MNS1: variants seen among roughly 807,000 people sequenced by gnomAD.
MNS1 encodes meiosis-specific nuclear structural protein 1.
In MNS1, 63 loss-of-function variants were observed where a neutral mutation model predicts 72.0. The ratio of observed to expected loss-of-function variants is 0.87; its 90% CI spans 0.71 to 1.08. The LOEUF (loss-of-function observed/expected upper bound fraction) is 1.08. MNS1 is among the 50% of genes least tolerant of loss of function. MNS1 has a pLI of 0.00. For synonymous variants in MNS1, 188 were observed against 172.1 expected (o/e 1.09, Z -0.72); for missense variants, 604 against 562.4 (o/e 1.07, Z -0.75).
At chr15:56,463,585 C>G (rs1353324572) in intron 2 of MNS1, among the ~76,000 whole-genome samples, 1 of 152,098 alleles carries the variant, frequency 6.6e-6, no homozygotes, top group Non-Finnish European at 1.5e-5. Flanking sequence ...AGTTCGAGAT[C>G]AGCCTGGTCA....
At chr15:56,452,109 TC>T (rs1358255057) in intron 3 of MNS1, among the ~76,000 whole-genome samples, 1 of 152,210 alleles carries the variant, frequency 6.6e-6, no homozygotes, top group Admixed American at 6.5e-5. Context: ...CTCTCTTCTC[TC>T]CTGTTTGCTT....
intron 2 of MNS1, among the ~76,000 whole-genome samples, chr15:56,462,509 CAGAT>C (rs1350293958): frequency 7.9e-5 from 12 of 152,056 alleles, no homozygotes; most frequent in Non-Finnish European, 1.5e-4. Context: ...GGAAATATAA[CAGAT>C]AGGGAAATAA....
chr15:56,446,699 T>C (rs1459625659), intron 4 of MNS1, 142 bp downstream of exon 4: 1 of 612,730 alleles, frequency 1.6e-6, no homozygotes, highest in Non-Finnish European at 2.8e-6. Flanking sequence ...ATTTTCTACA[T>C]CTTAAGGATC....
chr15:56,464,890 C>CT (rs1462927694), intron 1 of MNS1, 80 bp downstream of exon 1: 1 of 1,594,372 alleles, frequency 6.3e-7, no homozygotes, highest in African/African-American at 1.3e-5. Flanking sequence ...ACTTAAAATC[C>CT]TTTTTTAGAA....
intron 2 of MNS1, among the ~76,000 whole-genome samples, chr15:56,460,216 A>C (rs1261971466): frequency 6.6e-6 from 1 of 151,256 alleles, no homozygotes; most frequent in Non-Finnish European, 1.5e-5. Flanking sequence ...TATTATAGCA[A>C]TTTAATTAGT....
In MNS1 at chr15:56,465,121, T is replaced by A; in HGVS notation, c.-149A>T. ...TTGGCAACGGTGGAGCTGCGCGCCC[T>A]CCGCTCGACCAAAAGTGACCCACGC... On this transcript the variant is annotated 5_prime_UTR_variant, in exon 1 of 10. Transcript: ENST00000260453. The A allele has an allele frequency of 9.7e-7, 1 of 1,027,826 alleles. No individual in the cohort carries two copies. Among genetic ancestry groups the A allele is most frequent in the Non-Finnish European group, 1.4e-6 (1 of 698,322 alleles). 63.7% of individuals were successfully genotyped at this position (1,027,826 alleles called of 1,614,324 possible).
chr15:56,431,567 T>C, intron 8 of MNS1, 69 bp from the exon 9 acceptor site: 2 of 1,507,368 alleles, frequency 1.3e-6, no homozygotes, highest in South Asian at 2.4e-5. Context: ...CAAATAAAAC[T>C]ACTCATGCAA....
At chr15:56,452,406 G>A (rs2050953201) in intron 3 of MNS1, among the ~76,000 whole-genome samples, 1 of 152,100 alleles carries the variant, frequency 6.6e-6, no homozygotes, top group Non-Finnish European at 1.5e-5. Context: ...AGTGCTCTGG[G>A]TTCTTATTGG....
At chr15:56,439,712 C>G (rs1233963872) in intron 7 of MNS1, among the ~76,000 whole-genome samples, 13 of 147,058 alleles carry the variant, frequency 8.8e-5, no homozygotes, top group Middle Eastern at 3.5e-3. Flanking sequence ...AAAATTAACT[C>G]AAAACAGATC....
At chr15:56,437,399 T>C (rs1417873528) in intron 7 of MNS1, among the ~76,000 whole-genome samples, 2 of 152,170 alleles carry the variant, frequency 1.3e-5, no homozygotes, top group Non-Finnish European at 1.5e-5. Flanking sequence ...AAAAAGGCCC[T>C]TGACAAAATT....
Position 56,460,009 on chromosome 15 carries a change from A to AAAAAAAAAAAAAAAAAATAT in MNS1, c.226-3489_226-3488insATATTTTTTTTTTTTTTTTT. Among the ~76,000 whole-genome samples, 6 of 26,388 alleles carry AAAAAAAAAAAAAAAAAATAT rather than the reference A, an allele frequency of 2.3e-4. 2 individuals are homozygous for AAAAAAAAAAAAAAAAAATAT. The highest frequency in any genetic ancestry group is 4.5e-4 in the African/African-American group (3 of 6,654). 17.3% of individuals were successfully genotyped at this position (26,388 alleles called of 152,430 possible). ...CTGTCTCAAAAAAAAAAAAAAAAAA[A>AAAAAAAAAAAAAAAAAATAT]ATACATATATATATATATATATATA... On this transcript the variant is annotated intron_variant, in intron 2 of 9. Transcript: ENST00000260453.
At chr15:56,462,830 T>G (rs1453944771) in intron 2 of MNS1, among the ~76,000 whole-genome samples, 1 of 152,234 alleles carries the variant, frequency 6.6e-6, no homozygotes, top group Non-Finnish European at 1.5e-5. Context: ...ACATCCATAT[T>G]TTGTTAGATG....
At chr15:56,441,391 T>A (rs554896776) in intron 7 of MNS1, among the ~76,000 whole-genome samples, 1 of 152,258 alleles carries the variant, frequency 6.6e-6, no homozygotes, top group South Asian at 2.1e-4. Context: ...AAATGTCAGG[T>A]CAAGTTTATT....
chr15:56,431,848 T>C (rs2050605904), intron 8 of MNS1, among the ~76,000 whole-genome samples: 1 of 151,760 alleles, frequency 6.6e-6, no homozygotes, highest in African/African-American at 2.4e-5. Context: ...GTTTACAGTG[T>C]AAAACAAAAA....
chr15:56,460,009 A>ATATATATATATATATATATAT (rs1555449667), intron 2 of MNS1, among the ~76,000 whole-genome samples: 5 of 26,406 alleles, frequency 1.9e-4, no homozygotes, highest in Admixed American at 5.5e-4. Flanking sequence ...AAAAAAAAAA[A>ATATATATATATATATATATAT]ATACATATAT....
intron 2 of MNS1, among the ~76,000 whole-genome samples, chr15:56,456,905 A>G (rs1413812793): frequency 6.6e-6 from 1 of 152,166 alleles, no homozygotes; most frequent in Non-Finnish European, 1.5e-5. Flanking sequence ...TTCAGTATGA[A>G]TATCTACCTG....
chr15:56,431,845 G>T lies in MNS1; in HGVS notation c.1270-347C>A, dbSNP rs138165468. Among the ~76,000 whole-genome samples the T allele has an allele frequency of 2.6e-3, 395 of 151,982 alleles. 3 individuals are homozygous for T. Among genetic ancestry groups the T allele is most frequent in the African/African-American group, 9.1e-3 (377 of 41,504 alleles). On this transcript the variant is annotated intron_variant, in intron 8 of 9. Coordinates refer to ENST00000260453, the MANE Select transcript of MNS1 (RefSeq NM_018365.4). ...TATACCAGATGCTGAAGAGTTTACA[G>T]TGTAAAACAAAAAATAGTGAATAAA...
chr15:56,463,854 C>T, intron 2 of MNS1, 172 bp downstream of exon 2: 1 of 596,092 alleles, frequency 1.7e-6, no homozygotes, highest in Non-Finnish European at 2.9e-6. Flanking sequence ...GATTCAAAGA[C>T]AGGCCGGCTC....
rs1240247743 is a variant in MNS1 at position 56,456,464 on chromosome 15, T to C, written c.283A>G (p.Met95Val). The C allele has an allele frequency of 6.2e-6, 10 of 1,612,570 alleles. No individual in the cohort carries two copies. Among genetic ancestry groups the C allele is most frequent in the Non-Finnish European group, 8.5e-6 (10 of 1,179,528 alleles). The stretch of plus-strand genomic sequence containing the variant: ...TCATGTTTCAGTTTTGCCAATTCCA[T>C]AGCCAGTTTTTCTTCTTGTTTGAGC... ...LQLKQEEKLA[M>V]ELAKLKHESL... The change falls in exon 3 of 10, where the codon ATG becomes GTG. Residue 95 changes from methionine (M) to valine (V), a missense_variant. Met to Val is a conservative substitution (Grantham distance 21, BLOSUM62 1). Transcript: ENST00000260453.
Sources: allele counts gnomAD v4.1 joint callset (sites outside exome capture counted in the v4.1 genomes callset), GRCh38; gene constraint gnomAD v4.1.1; transcripts MANE v1.5; gene names NCBI Gene and HGNC (gene_info 2026-07-23, HGNC 2026-07-21).